Variants in BAX observed in about 807,000 individuals in gnomAD.
BAX encodes the protein BCL2 associated X, apoptosis regulator.
Under a neutral mutation model 26.8 loss-of-function variants are expected in BAX, and 21 were observed. The observed-to-expected ratio is 0.78, with a 90% CI of 0.56 to 1.13. The LOEUF (loss-of-function observed/expected upper bound fraction) is 1.13. Among genes scored for constraint, BAX ranks in the 50% most tolerant of loss-of-function variants. The pLI is 0.00. For missense variants in BAX, 236 were observed against 254.6 expected, an observed-to-expected ratio of 0.93 and a Z score of 0.50; for synonymous variants, 110 against 101.8, an observed-to-expected ratio of 1.08 and a Z score of -0.49.
chr19:48,955,006 G>A, intron 1 of BAX, 44 bp downstream of exon 1: 7 of 1,239,558 alleles, frequency 5.6e-6, no homozygotes, highest in Non-Finnish European at 7.1e-6. Context: ...GAGCCCCCTC[G>A]CCGGCCCGTC....
rs750039474 is a variant in BAX, at chr19:48,961,749, G to A, written c.*113G>A. On this transcript the variant is annotated 3_prime_UTR_variant, in exon 6 of 6. Transcript: ENST00000345358. ...TTCTTACTTTTGTAATTATTGGGGG[G>A]TGTGGGGAAGAGTGGTCTTGAGGGG... The A allele has an allele frequency of 7.6e-6, 7 of 923,188 alleles. No homozygotes were observed. Among genetic ancestry groups the A allele is most frequent in the Non-Finnish European group, 1.1e-5 (7 of 626,618 alleles). 57.2% of individuals were successfully genotyped at this position (923,188 alleles called of 1,614,324 possible). A position where few individuals can be genotyped will look rare whatever the true frequency, so the allele number is the denominator to read the frequency against.
intron 4 of BAX, among the ~76,000 whole-genome samples, chr19:48,957,259 T>A (rs924968390): frequency 4.7e-5 from 6 of 126,632 alleles, no homozygotes; most frequent in African/African-American, 1.4e-4. Flanking sequence ...AAAGACTTTT[T>A]CTTTTCTTTT....
intron 3 of BAX, 175 bp from the exon 4 acceptor site, chr19:48,956,023 C>A: frequency 8.8e-7 from 1 of 1,140,294 alleles, no homozygotes; most frequent in Non-Finnish European, 1.2e-6. Flanking sequence ...TCATTTTTCC[C>A]ACCTTCCTAA....
At chr19:48,955,167 G>C (rs942166000) in intron 1 of BAX, 6 of 606,336 alleles carry the variant, frequency 9.9e-6, no homozygotes, top group Non-Finnish European at 1.4e-5. Context: ...CCTCTCTGGC[G>C]CTCTCGGACC....
rs774634415 is a variant in BAX at position 48,958,385 on chromosome 19, C to T, written c.369+2052C>T. Among the ~76,000 whole-genome samples the T allele has an allele frequency of 3.6e-4, 44 of 123,882 alleles. 1 individual carries two copies. The highest frequency in any genetic ancestry group is 9.5e-4 in the Admixed American group (10 of 10,526). The allele number at this position is 123,882 out of a possible 152,430, so 81.3% of individuals were successfully genotyped here. A position where few individuals can be genotyped will look rare whatever the true frequency, so the allele number is the denominator to read the frequency against. ...TTTTTTTTTTTTTGATACAGGGTCT[C>T]GCTCTGTTACCAAGGCTGGAATGCA... On this transcript the variant is annotated intron_variant, in intron 4 of 5. Coordinates refer to ENST00000345358, the MANE Select transcript of BAX (RefSeq NM_138761.4).
chr19:48,955,489 T>C, intron 1 of BAX, 59 bp from the exon 2 acceptor site: 1 of 1,553,928 alleles, frequency 6.4e-7, no homozygotes, highest in Non-Finnish European at 8.7e-7. Context: ...GTCTCCACAG[T>C]CTCCTGATCC....
chr19:48,960,715 G>A (rs776243623), intron 4 of BAX, 95 bp from the exon 5 acceptor site: 15 of 1,102,820 alleles, frequency 1.4e-5, no homozygotes, highest in Non-Finnish European at 1.6e-5. Flanking sequence ...AAATCTTTGA[G>A]GGGAGGCAAA....
rs760733803 is a variant in BAX, at chr19:48,956,208, G to A, written c.244G>A (p.Ala82Thr). The change falls in exon 4 of 6, where the codon GCC (alanine) becomes ACC (threonine). Residue 82 changes from alanine to threonine, a missense_variant. Ala to Thr is a moderately conservative substitution (Grantham distance 58). Coordinates refer to ENST00000345358, the MANE Select transcript of BAX (RefSeq NM_138761.4). The part of the protein sequence containing the change: ...SNMELQRMIA[A>T]VDTDSPREVF... ...TCCTCTCTCCTGCAGGATGATTGCC[G>A]CCGTGGACACAGACTCCCCCCGAGA... The A allele has an allele frequency of 6.5e-6, 10 of 1,534,476 alleles. No homozygotes were observed. Among genetic ancestry groups the A allele is most frequent in the East Asian group, 5.0e-5 (2 of 40,246 alleles).
rs36017265 is a variant in BAX at position 48,955,715 on chromosome 19, G to A, written c.115G>A (p.Gly39Arg). ...GFIQDRAGRM[G>R]GEAPELALDP... Reference sequence around the variant, plus strand: ...CATCCAGGATCGAGCAGGGCGAATGGGGGGGGAGGCACCCGAGCTGGCCCT... The same window carrying A: ...CATCCAGGATCGAGCAGGGCGAATGAGGGGGGAGGCACCCGAGCTGGCCCT... Residue 39 changes from glycine (G) to arginine (R), a missense_variant, in exon 3 of 6, where the codon GGG becomes AGG. Coordinates refer to ENST00000345358, the MANE Select transcript of BAX (RefSeq NM_138761.4). 5.0e-6 allele frequency: 8 copies of A among 1,612,772 alleles called. No homozygotes were observed. The highest frequency in any genetic ancestry group is 2.2e-5 in the South Asian group (2 of 90,938).
chr19:48,959,165 A>G (rs1462863879), intron 4 of BAX, among the ~76,000 whole-genome samples: 1 of 151,206 alleles, frequency 6.6e-6, no homozygotes, highest in Non-Finnish European at 1.5e-5. Flanking sequence ...CCTGGCTAAC[A>G]TGGTGAAACC....
intron 5 of BAX, 153 bp from the exon 6 acceptor site, chr19:48,961,379 G>T (rs1005832906): frequency 1.7e-6 from 2 of 1,203,092 alleles, no homozygotes; most frequent in Non-Finnish European, 1.1e-6. Context: ...GAGCCACCAT[G>T]CCTGGCCTGA....
In BAX at chr19:48,960,869, C is replaced by A. The variant is rs1341198789; in HGVS notation, c.429C>A (p.Phe143Leu). The A allele has an allele frequency of 3.1e-6, 5 of 1,614,050 alleles. No homozygotes were observed. The African/African-American group carries it at 6.7e-5, about 22-fold the overall frequency. ...CCATCATGGGCTGGACATTGGACTTCCTCCGGGAGCGGCTGTTGGGCTGGA... is the reference window on the plus strand; with the variant it reads ...CCATCATGGGCTGGACATTGGACTTACTCCGGGAGCGGCTGTTGGGCTGGA... ...IRTIMGWTLD[F>L]LRERLLGWIQ... Residue 143 changes from phenylalanine to leucine, a missense_variant, in exon 5 of 6, where the codon TTC (phenylalanine) becomes TTA (leucine). By Grantham distance (22) the Phe-to-Leu change is conservative. Transcript: ENST00000345358.
At position 48,961,316 on chromosome 19, in the gene BAX, G is replaced by C. The variant is rs1349820920; in HGVS notation, c.475-216G>C. 3 of 1,365,562 alleles carry C rather than the reference G, an allele frequency of 2.2e-6. No homozygotes were observed. The African/African-American group carries it at 4.4e-5, about 20-fold the overall frequency. 84.6% of individuals were successfully genotyped at this position (1,365,562 alleles called of 1,614,324 possible). ...TGCCCAGGTTGGTCTCGAACTCCTGGCCTCAAGCGATCCTCCCGCCTCAGC... is the reference window on the plus strand; with the variant it reads ...TGCCCAGGTTGGTCTCGAACTCCTGCCCTCAAGCGATCCTCCCGCCTCAGC... On this transcript the variant is annotated intron_variant, in intron 5 of 5. Coordinates refer to ENST00000345358, the MANE Select transcript of BAX (RefSeq NM_138761.4).
intron 4 of BAX, among the ~76,000 whole-genome samples, chr19:48,958,570 C>G (rs924659115): frequency 2.0e-5 from 3 of 146,880 alleles, no homozygotes; most frequent in Admixed American, 2.0e-4. Flanking sequence ...GAGACGGAGT[C>G]TCTCTCGGTT....
rs146366710 is a variant in BAX, at chr19:48,961,534, C to T, written c.477C>T (p.Asp159=). 228 of 1,606,508 alleles carry T rather than the reference C, an allele frequency of 1.4e-4. No individual in the cohort carries two copies. The African/African-American group carries it at 1.6e-3, about 12-fold the overall frequency. Reference sequence around the variant, plus strand: ...GCGACTGATGTCCCTGTCTCCAGGACGGCCTCCTCTCCTACTTTGGGACGC... The same window carrying T: ...GCGACTGATGTCCCTGTCTCCAGGATGGCCTCCTCTCCTACTTTGGGACGC... The part of the protein sequence containing the change: ...LGWIQDQGGW[D]GLLSYFGTPT... Residue 159 remains aspartate, a splice_region_variant and synonymous_variant, in exon 6 of 6, where the codon GAC becomes GAT. Coordinates refer to ENST00000345358, the MANE Select transcript of BAX (RefSeq NM_138761.4).
At position 48,961,662 on chromosome 19, in the gene BAX, T is replaced by A. The variant is rs745430809; in HGVS notation, c.*26T>A. ...GGCCCCCAGCTGCCTTGGACTGTGTTTTTCCTCCATAAATTATGGCATTTT... is the reference window on the plus strand; with the variant it reads ...GGCCCCCAGCTGCCTTGGACTGTGTATTTCCTCCATAAATTATGGCATTTT... On this transcript the variant is annotated 3_prime_UTR_variant, in exon 6 of 6. Coordinates refer to ENST00000345358, the MANE Select transcript of BAX (RefSeq NM_138761.4). 1 of 1,548,784 alleles carries A rather than the reference T, an allele frequency of 6.5e-7. No individual in the cohort carries two copies. Among genetic ancestry groups the A allele is most frequent in the South Asian group, 1.2e-5 (1 of 85,614 alleles).
chr19:48,959,660 CA>C (rs1229929205), intron 4 of BAX, among the ~76,000 whole-genome samples: 3,508 of 94,618 alleles, frequency 0.037, 99 homozygotes, highest in African/African-American at 0.1. Flanking sequence ...ACTAAAAATT[CA>C]AAAAAAAAAA....
chr19:48,960,958 C>T, intron 5 of BAX, 44 bp downstream of exon 5: 1 of 1,613,048 alleles, frequency 6.2e-7, no homozygotes, highest in African/African-American at 1.3e-5. Flanking sequence ...CGCGCCCTCA[C>T]CACCGCCCCT....
intron 3 of BAX, 111 bp from the exon 4 acceptor site, chr19:48,956,087 C>T (rs558905931): frequency 3.3e-4 from 453 of 1,367,040 alleles, no homozygotes; most frequent in Non-Finnish European, 4.2e-4. Flanking sequence ...CTTTTCATTT[C>T]AGCCTGGCTT....
Sources: gnomAD v4.1 joint callset for allele counts (sites outside exome capture counted in the v4.1 genomes callset) on GRCh38, gnomAD v4.1.1 for gene constraint, MANE v1.5 for transcripts, NCBI Gene and HGNC (gene_info 2026-07-23, HGNC 2026-07-21) for gene names.